Variants in PAK5 observed in about 807,000 individuals in gnomAD.
PAK5 encodes serine/threonine-protein kinase PAK 5.
PAK5 carries 16 observed loss-of-function variants against 65.9 expected under a neutral mutation model. The ratio of observed to expected loss-of-function variants is 0.24; its 90% CI spans 0.16 to 0.37. PAK5 has a LOEUF of 0.37. PAK5 is among the 10% of genes least tolerant of loss of function. The pLI is 1.00. For synonymous variants in PAK5, 371 were observed against 354.9 expected, an observed-to-expected ratio of 1.05 and a Z score of -0.51; for missense variants, 785 against 903.9, an observed-to-expected ratio of 0.87 and a Z score of 1.69.
intron 1 of PAK5, among the ~76,000 whole-genome samples, chr20:9,806,791 A>G (rs185057579): frequency 6.8e-4 from 104 of 152,312 alleles, no homozygotes; most frequent in African/African-American, 2.4e-3. Flanking sequence ...TCCTATCGCT[A>G]CTATAATAAA....
intron 2 of PAK5, among the ~76,000 whole-genome samples, chr20:9,683,719 T>C: frequency 6.6e-6 from 1 of 152,200 alleles, no homozygotes; most frequent in East Asian, 1.9e-4. Flanking sequence ...GGTACCTTTT[T>C]TTGTTTTGTT....
chr20:9,831,208 T>G (rs911427833), intron 1 of PAK5, among the ~76,000 whole-genome samples: 8 of 151,720 alleles, frequency 5.3e-5, no homozygotes, highest in Admixed American at 1.3e-4. Context: ...TTTTGGGGGG[T>G]GTGTGTGTGT....
At chr20:9,540,366 C>T (rs2045241264) in intron 9 of PAK5, among the ~76,000 whole-genome samples, 1 of 152,188 alleles carries the variant, frequency 6.6e-6, no homozygotes, top group Non-Finnish European at 1.5e-5. Context: ...TTTAGGTTTC[C>T]TTCCTGCCAA....
At chr20:9,722,539 G>T (rs1375043273) in intron 1 of PAK5, among the ~76,000 whole-genome samples, 1 of 151,982 alleles carries the variant, frequency 6.6e-6, no homozygotes, top group Non-Finnish European at 1.5e-5. Context: ...ATGAACCCGG[G>T]AGGCGGAGCT....
chr20:9,548,834 T>G (rs1181274590), intron 7 of PAK5, among the ~76,000 whole-genome samples: 1 of 152,208 alleles, frequency 6.6e-6, no homozygotes, highest in Non-Finnish European at 1.5e-5. Context: ...ATGTGATTTT[T>G]TTTCATTTCC....
At chr20:9,753,876 G>A (rs1178702417) in intron 1 of PAK5, among the ~76,000 whole-genome samples, 1 of 151,848 alleles carries the variant, frequency 6.6e-6, no homozygotes, top group Non-Finnish European at 1.5e-5. Context: ...GCTGAGGCTA[G>A]ACTTCACCTG....
chr20:9,660,861 G>A (rs2047336238), intron 2 of PAK5, among the ~76,000 whole-genome samples: 1 of 152,176 alleles, frequency 6.6e-6, no homozygotes, highest in East Asian at 1.9e-4. Context: ...AGACAGAGAT[G>A]GAACAGGAAG....
At chr20:9,599,380 G>T (rs1437122658) in intron 3 of PAK5, among the ~76,000 whole-genome samples, 2 of 152,274 alleles carry the variant, frequency 1.3e-5, no homozygotes, top group East Asian at 3.9e-4. Context: ...CTGAGTAGTG[G>T]AGTTGCTAGA....
intron 2 of PAK5, among the ~76,000 whole-genome samples, chr20:9,673,563 C>A (rs2047529487): frequency 6.6e-6 from 1 of 152,108 alleles, no homozygotes; most frequent in Non-Finnish European, 1.5e-5. Context: ...ATCTCTAAAG[C>A]CTTGGAGGTT....
intron 2 of PAK5, among the ~76,000 whole-genome samples, chr20:9,657,504 A>G (rs6108321): frequency 0.19 from 28,171 of 152,152 alleles, 2,999 homozygotes; most frequent in East Asian, 0.4. Flanking sequence ...TAATATTTTT[A>G]TATTGGTTAT....
At chr20:9,733,052 A>T (rs2048350864) in intron 1 of PAK5, among the ~76,000 whole-genome samples, 1 of 152,236 alleles carries the variant, frequency 6.6e-6, no homozygotes, top group Non-Finnish European at 1.5e-5. Context: ...CTACTTTCTC[A>T]GAACTAGATT....
At chr20:9,698,703 AG>A (rs555728979) in intron 2 of PAK5, among the ~76,000 whole-genome samples, 42 of 152,246 alleles carry the variant, frequency 2.8e-4, no homozygotes, top group African/African-American at 8.9e-4. Context: ...GAGCTCAGAG[AG>A]GTTAAGAAGT....
chr20:9,749,538 G>A (rs1361703632), intron 1 of PAK5, among the ~76,000 whole-genome samples: 1 of 152,090 alleles, frequency 6.6e-6, no homozygotes, highest in Non-Finnish European at 1.5e-5. Context: ...CGATAAATGA[G>A]GGTTCTGAAA....
intron 2 of PAK5, among the ~76,000 whole-genome samples, chr20:9,654,957 C>G (rs6056781): frequency 0.34 from 51,751 of 152,028 alleles, 9,498 homozygotes; most frequent in Non-Finnish European, 0.42. Context: ...AGTTCCTTGT[C>G]TATTGGGCTA....
At chr20:9,602,573 T>C (rs1009805753) in intron 3 of PAK5, among the ~76,000 whole-genome samples, 2 of 152,218 alleles carry the variant, frequency 1.3e-5, no homozygotes, top group African/African-American at 2.4e-5. Context: ...AAAGTTCTTT[T>C]TGCAGATCAT....
intron 1 of PAK5, among the ~76,000 whole-genome samples, chr20:9,819,346 A>G (rs1369076847): frequency 5.9e-5 from 9 of 152,198 alleles, no homozygotes; most frequent in Non-Finnish European, 1.3e-4. Context: ...TGAAGAGCTA[A>G]GATCACAAGA....
At chr20:9,555,874 G>A (rs982231269) in intron 7 of PAK5, among the ~76,000 whole-genome samples, 7 of 152,160 alleles carry the variant, frequency 4.6e-5, no homozygotes, top group Non-Finnish European at 7.3e-5. Context: ...CAGGTGACTC[G>A]GAGATGAGTG....
intron 2 of PAK5, among the ~76,000 whole-genome samples, chr20:9,645,953 A>G (rs2047128980): frequency 6.6e-6 from 1 of 152,236 alleles, no homozygotes; most frequent in African/African-American, 2.4e-5. Flanking sequence ...TTAATTACAT[A>G]TAATGGTGTG....
chr20:9,772,384 T>A (rs910644132), intron 1 of PAK5, among the ~76,000 whole-genome samples: 2 of 151,996 alleles, frequency 1.3e-5, no homozygotes, highest in Non-Finnish European at 2.9e-5. Context: ...AAAAACAGAG[T>A]CAAATCCAAG....
Sources: gnomAD v4.1 joint callset for allele counts (sites outside exome capture counted in the v4.1 genomes callset) on GRCh38, gnomAD v4.1.1 for gene constraint, MANE v1.5 for transcripts, NCBI Gene and HGNC (gene_info 2026-07-23, HGNC 2026-07-21) for gene names.